PCDH11X: variants seen among roughly 807,000 people sequenced by gnomAD.
PCDH11X encodes the protein protocadherin 11 X-linked, also known as protocadherin-11 X-linked.
PCDH11X carries 18 observed loss-of-function variants against 53.3 expected under a neutral mutation model. The ratio of observed to expected loss-of-function variants is 0.34; its 90% confidence interval spans 0.23 to 0.50. The LOEUF (loss-of-function observed/expected upper bound fraction) is 0.50, where lower values mean the gene tolerates loss of function less well. Among genes scored for constraint, PCDH11X ranks in the 20% least tolerant of loss-of-function variants. PCDH11X has a pLI of 0.98. For missense variants in PCDH11X, 570 were observed against 1,032.4 expected, an observed-to-expected ratio of 0.55 and a Z score of 6.14; for synonymous variants, 279 against 393.3, an observed-to-expected ratio of 0.71 and a Z score of 3.44.
intron 8 of PCDH11X, among the ~76,000 whole-genome samples, chrX:92,313,261 C>T (rs960905017): frequency 1.8e-5 from 2 of 110,501 alleles, no homozygotes; most frequent in Non-Finnish European, 3.8e-5. Context: ...TTGCAATGTA[C>T]TATACCTGAA....
intron 8 of PCDH11X, among the ~76,000 whole-genome samples, chrX:92,310,997 G>A (rs1334305971): frequency 9.0e-6 from 1 of 111,520 alleles, no homozygotes; most frequent in African/African-American, 3.3e-5. Context: ...TGAGTTTTCC[G>A]AGTAACCCAA....
intron 6 of PCDH11X, among the ~76,000 whole-genome samples, chrX:92,167,510 T>G (rs1196116199): frequency 2.7e-5 from 3 of 111,946 alleles, no homozygotes; most frequent in Non-Finnish European, 5.6e-5. Flanking sequence ...TGTGCCAGAT[T>G]TTGCCTCTTA....
At chrX:92,099,613 A>C (rs2064202940) in intron 6 of PCDH11X, among the ~76,000 whole-genome samples, 1 of 112,083 alleles carries the variant, frequency 8.9e-6, no homozygotes, top group Non-Finnish European at 1.9e-5. Context: ...AGAAAGAATA[A>C]GGTGCAGGTT....
At chrX:92,234,494 T>G (rs183127574) in intron 7 of PCDH11X, among the ~76,000 whole-genome samples, 1 of 112,211 alleles carries the variant, frequency 8.9e-6, no homozygotes, top group Non-Finnish European at 1.9e-5. Context: ...AGTTTTGTCA[T>G]GCATTCTGGT....
At chrX:92,183,663 A>T (rs1407288035) in intron 6 of PCDH11X, among the ~76,000 whole-genome samples, 1 of 112,419 alleles carries the variant, frequency 8.9e-6, no homozygotes, top group Non-Finnish European at 1.9e-5. Flanking sequence ...CTACAATATG[A>T]CAGGTCTTGT....
intron 1 of PCDH11X, among the ~76,000 whole-genome samples, chrX:91,794,439 G>C (rs1393439125): frequency 9.0e-6 from 1 of 111,405 alleles, no homozygotes; most frequent in African/African-American, 3.3e-5. Context: ...GTAGTGATTT[G>C]AGATTTTTAA....
intron 10 of PCDH11X, among the ~76,000 whole-genome samples, chrX:92,493,594 C>T (rs1254770059): frequency 9.3e-6 from 1 of 107,136 alleles, no homozygotes; most frequent in Non-Finnish European, 1.9e-5. Flanking sequence ...CTGAAGAACG[C>T]AGAAACTAGA....
intron 6 of PCDH11X, among the ~76,000 whole-genome samples, chrX:92,157,944 G>T (rs1468175920): frequency 8.9e-6 from 1 of 111,973 alleles, no homozygotes. Context: ...GCCGGTCGCG[G>T]TAGCTCATGC....
intron 7 of PCDH11X, among the ~76,000 whole-genome samples, chrX:92,202,294 G>A (rs1233742267): frequency 1.8e-5 from 2 of 111,086 alleles, no homozygotes; most frequent in Non-Finnish European, 3.8e-5. Flanking sequence ...AGTGTTCCTA[G>A]AGGAAGGTCA....
intron 6 of PCDH11X, among the ~76,000 whole-genome samples, chrX:92,111,925 T>G (rs1368698477): frequency 9.2e-6 from 1 of 108,822 alleles, no homozygotes; most frequent in Non-Finnish European, 1.9e-5. Flanking sequence ...CCCGGCTAAT[T>G]TTTTTGTATT....
chrX:91,796,688 A>G (rs1935746244), intron 1 of PCDH11X, among the ~76,000 whole-genome samples: 1 of 111,869 alleles, frequency 8.9e-6, no homozygotes, highest in Non-Finnish European at 1.9e-5. Flanking sequence ...TACCAATGCC[A>G]AATTTACCAA....
At chrX:91,791,744 C>T (rs1325474229) in intron 1 of PCDH11X, among the ~76,000 whole-genome samples, 1 of 98,676 alleles carries the variant, frequency 1.0e-5, no homozygotes, top group Non-Finnish European at 2.0e-5. Context: ...ATATAAGAAT[C>T]AAGACAAAAT....
At chrX:91,956,110 A>G (rs995821978) in intron 6 of PCDH11X, among the ~76,000 whole-genome samples, 3 of 110,421 alleles carry the variant, frequency 2.7e-5, no homozygotes, top group African/African-American at 9.9e-5. Context: ...TTGCTTGGTA[A>G]ATTTTCCTCC....
chrX:91,828,643 A>G (rs1171502307), intron 4 of PCDH11X, among the ~76,000 whole-genome samples: 1 of 111,602 alleles, frequency 9.0e-6, no homozygotes, highest in Non-Finnish European at 1.9e-5. Context: ...GGCATCTGTT[A>G]TTAGGCAGTT....
chrX:92,219,494 C>T (rs1342045554), intron 7 of PCDH11X, among the ~76,000 whole-genome samples: 23 of 109,093 alleles, frequency 2.1e-4, no homozygotes, highest in Non-Finnish European at 3.1e-4. Context: ...TTACAAGGGA[C>T]GTGAAGGCCC....
chrX:92,421,239 A>C (rs1437042616), intron 9 of PCDH11X, among the ~76,000 whole-genome samples: 1 of 111,985 alleles, frequency 8.9e-6, no homozygotes, highest in African/African-American at 3.2e-5. Context: ...TCCAATAGGT[A>C]GTTTTTCTCT....
chrX:92,260,949 G>A (rs749946239), intron 7 of PCDH11X, among the ~76,000 whole-genome samples: 7 of 111,202 alleles, frequency 6.3e-5, no homozygotes, highest in Non-Finnish European at 1.3e-4. Flanking sequence ...TTTAATTTGG[G>A]CAAATATTTT....
chrX:91,888,421 G>A (rs954621579), intron 6 of PCDH11X, among the ~76,000 whole-genome samples: 4 of 111,938 alleles, frequency 3.6e-5, no homozygotes, highest in African/African-American at 1.3e-4. Context: ...GGGAGGCCGA[G>A]GCAGGTGGAT....
At chrX:92,466,292 G>A (rs1418337927) in intron 9 of PCDH11X, among the ~76,000 whole-genome samples, 3 of 110,352 alleles carry the variant, frequency 2.7e-5, no homozygotes, top group Non-Finnish European at 5.7e-5. Context: ...CAAACATCTT[G>A]GGCAGTGTTG....
Sources: gnomAD v4.1 joint callset for allele counts (sites outside exome capture counted in the v4.1 genomes callset) on GRCh38, gnomAD v4.1.1 for gene constraint, MANE v1.5 for transcripts, NCBI Gene and HGNC (gene_info 2026-07-23, HGNC 2026-07-21) for gene names.